Variants in PTER observed in about 807,000 individuals in gnomAD.
PTER encodes phosphotriesterase related, also known as N-acetyltaurine hydrolase.
A neutral mutation model predicts 29.6 loss-of-function variants in PTER; 38 were observed. The observed-to-expected ratio is 1.28, with a 90% CI of 0.99 to 1.68. The LOEUF (loss-of-function observed/expected upper bound fraction) is 1.68. Ranked by LOEUF, PTER falls within the 40% of genes most tolerant of loss-of-function variation. The pLI is 0.00. For synonymous variants in PTER, 172 were observed against 154.5 expected, an observed-to-expected ratio of 1.11 and a Z score of -0.84; for missense variants, 482 against 427.8, an observed-to-expected ratio of 1.13 and a Z score of -1.12.
At chr10:16,485,865 G>C (rs140677726) in intron 2 of PTER, among the ~76,000 whole-genome samples, 23 of 152,190 alleles carry the variant, frequency 1.5e-4, no homozygotes, top group Non-Finnish European at 3.2e-4. Flanking sequence ...AGCCTGAAAT[G>C]GGAGGTTCAC....
chr10:16,491,112 C>CCTGA (rs1835883833), intron 3 of PTER, among the ~76,000 whole-genome samples: 1 of 151,966 alleles, frequency 6.6e-6, no homozygotes, highest in Non-Finnish European at 1.5e-5. Flanking sequence ...GAAAGGTTGA[C>CCTGA]CTGACATCAG....
At position 16,484,723 on chromosome 10, in the gene PTER, T is replaced by A; in HGVS notation, c.339T>A (p.Leu113=). Residue 113 remains leucine (L), a synonymous_variant, in exon 2 of 5, where the codon CTT becomes CTA. Coordinates refer to ENST00000535784, the MANE Select transcript of PTER (RefSeq NM_001261836.2). ...ISRDTQTLKR[L]AEETGVHIIS... is the part of the protein sequence containing the mutation. ...GAGACACACAGACGTTGAAGAGGCTTGCAGAAGAGACTGGCGTCCATATCA... is the reference window on the plus strand; with the variant it reads ...GAGACACACAGACGTTGAAGAGGCTAGCAGAAGAGACTGGCGTCCATATCA... 2 of 1,614,098 alleles carry A rather than the reference T, an allele frequency of 1.2e-6. No homozygotes were observed. The highest frequency in any genetic ancestry group is 1.7e-6 in the Non-Finnish European group (2 of 1,179,996).
chr10:16,440,958 A>C (rs78219814), intron 1 of PTER, among the ~76,000 whole-genome samples: 4,703 of 152,222 alleles, frequency 0.031, 103 homozygotes, highest in Non-Finnish European at 0.046. Flanking sequence ...AGCTGTGGGG[A>C]GGGCCCTGAA....
intron 3 of PTER, among the ~76,000 whole-genome samples, chr10:16,501,008 TG>T (rs1318908720): frequency 6.6e-6 from 1 of 152,148 alleles, no homozygotes; most frequent in Non-Finnish European, 1.5e-5. Context: ...CTCGGCTCAC[TG>T]CAACCTCTGC....
rs552284688 is a variant in PTER at position 16,461,013 on chromosome 10, G to A, written c.-48-23324G>A. On this transcript the variant is annotated intron_variant, in intron 1 of 4. Coordinates refer to ENST00000535784, the MANE Select transcript of PTER (RefSeq NM_001261836.2). ...ATTATAGGCATGAGCCACCGCACCT[G>A]GCCAAAAATTACAGTCATTTGATAT... Among the ~76,000 whole-genome samples, 4 of 152,140 alleles carry A rather than the reference G, an allele frequency of 2.6e-5. No individual in the cohort carries two copies. In the South Asian group the frequency reaches 8.3e-4, roughly 32 times the overall value.
At chr10:16,440,912 G>A (rs1448271866) in intron 1 of PTER, among the ~76,000 whole-genome samples, 1 of 152,218 alleles carries the variant, frequency 6.6e-6, no homozygotes, top group Admixed American at 6.5e-5. Context: ...GCATGTATGC[G>A]GGGATTTCTG....
Position 16,505,048 on chromosome 10 carries a change from G to A in PTER, c.727G>A (p.Glu243Lys). Residue 243 changes from glutamate (E) to lysine (K), a missense_variant, in exon 4 of 5, where the codon GAG becomes AAG. Glu to Lys is a moderately conservative substitution (Grantham distance 56). Transcript: ENST00000535784. The stretch of plus-strand genomic sequence containing the variant: ...TATTCTTGATAAGAAAGAGCTCTTG[G>A]AGTTTGCTCAACTTGGCTGCTACTT... ...RTILDKKELL[E>K]FAQLGCYLEY... 6.2e-7 allele frequency: 1 copy of A among 1,613,924 alleles called. No homozygotes were observed. Among genetic ancestry groups the A allele is most frequent in the South Asian group, 1.1e-5 (1 of 91,048 alleles).
At chr10:16,509,624 G>C (rs1044823416) in intron 4 of PTER, among the ~76,000 whole-genome samples, 1 of 151,898 alleles carries the variant, frequency 6.6e-6, no homozygotes, top group Non-Finnish European at 1.5e-5. Flanking sequence ...CTTCAGTATT[G>C]TGTGTGCATT....
In PTER at chr10:16,438,172, A is replaced by G. The variant is rs537037326; in HGVS notation, c.-49+1125A>G. 3.0e-3 allele frequency among the ~76,000 whole-genome samples: 350 copies of G among 117,388 alleles called. 3 individuals are homozygous for G. Among genetic ancestry groups the G allele is most frequent in the African/African-American group, 0.011 (328 of 29,096 alleles). 77.0% of individuals were successfully genotyped at this position (117,388 alleles called of 152,430 possible). A position where few individuals can be genotyped will look rare whatever the true frequency, so the allele number is the denominator to read the frequency against. On this transcript the variant is annotated intron_variant, in intron 1 of 4. Transcript: ENST00000535784. ...AGGCGCGCTCCACCACACACAGCTA[A>G]TTTTTGTATTTTTAGTAGAGACGGG... is the stretch of plus-strand genomic sequence containing the variant.
At chr10:16,462,197 G>T (rs1021379292) in intron 1 of PTER, among the ~76,000 whole-genome samples, 10 of 152,058 alleles carry the variant, frequency 6.6e-5, no homozygotes, top group Non-Finnish European at 1.3e-4. Context: ...TGAAGGCCAG[G>T]CTGGTCCTGA....
chr10:16,507,878 A>G (rs1318040894), intron 4 of PTER, among the ~76,000 whole-genome samples: 2 of 152,140 alleles, frequency 1.3e-5, no homozygotes, highest in African/African-American at 2.4e-5. Flanking sequence ...GATTCAATAC[A>G]GGTGAACCTG....
intron 1 of PTER, among the ~76,000 whole-genome samples, chr10:16,452,301 GTT>G (rs5783503): frequency 0.019 from 2,606 of 137,750 alleles, 90 homozygotes; most frequent in African/African-American, 0.068. Flanking sequence ...GACTTTTTTT[GTT>G]TTTTTTTTTT....
intron 1 of PTER, among the ~76,000 whole-genome samples, chr10:16,445,117 TAAATGAGTG>T (rs1415401275): frequency 1.3e-5 from 2 of 152,172 alleles, no homozygotes; most frequent in Non-Finnish European, 2.9e-5. Flanking sequence ...AAAAGGAGAA[TAAATGAGTG>T]AAATATATGG....
chr10:16,507,900 C>T (rs1836639190), intron 4 of PTER, among the ~76,000 whole-genome samples: 1 of 152,142 alleles, frequency 6.6e-6, no homozygotes, highest in Non-Finnish European at 1.5e-5. Context: ...TCCCCTAAAG[C>T]CCTAGTAGTT....
chr10:16,485,101 A>G (rs1160118184), intron 2 of PTER, among the ~76,000 whole-genome samples: 1 of 152,216 alleles, frequency 6.6e-6, no homozygotes, highest in Non-Finnish European at 1.5e-5. Context: ...GATAATAGTT[A>G]GATTTGTGTG....
At chr10:16,493,881 G>A (rs907715425) in intron 3 of PTER, among the ~76,000 whole-genome samples, 11 of 152,164 alleles carry the variant, frequency 7.2e-5, no homozygotes, top group African/African-American at 2.7e-4. Flanking sequence ...TAATTGTGGA[G>A]TATTCCAGAT....
chr10:16,495,930 C>G lies in PTER; in HGVS notation c.699-9090C>G, dbSNP rs566263367. On this transcript the variant is annotated intron_variant, in intron 3 of 4. Transcript: ENST00000535784. ...TGAGTTTCACAGCCTGCTCCTTGTT[C>G]TTGTTATTTAATGGTGCCAACATCT... 2.6e-5 allele frequency among the ~76,000 whole-genome samples: 4 copies of G among 152,284 alleles called. No individual in the cohort carries two copies. In the South Asian group the frequency reaches 8.3e-4, roughly 32 times the overall value.
intron 1 of PTER, among the ~76,000 whole-genome samples, chr10:16,470,721 T>C (rs1259394456): frequency 6.6e-6 from 1 of 152,138 alleles, no homozygotes; most frequent in Non-Finnish European, 1.5e-5. Context: ...TGAGCCAAGA[T>C]TGTGCCACTC....
chr10:16,508,080 T>C (rs1490872132), intron 4 of PTER, among the ~76,000 whole-genome samples: 2 of 148,828 alleles, frequency 1.3e-5, no homozygotes, highest in Non-Finnish European at 3.0e-5. Context: ...CTTTTTTTTT[T>C]TTTTTTGAGA....
Sources: gnomAD v4.1 joint callset for allele counts (sites outside exome capture counted in the v4.1 genomes callset) on GRCh38, gnomAD v4.1.1 for gene constraint, MANE v1.5 for transcripts, NCBI Gene and HGNC (gene_info 2026-07-23, HGNC 2026-07-21) for gene names.